Variants in YLPM1 observed in about 807,000 individuals in gnomAD.
The protein encoded by YLPM1 is YLP motif containing 1, also known as YLP motif-containing protein 1.
Under a neutral mutation model 230.0 loss-of-function variants are expected in YLPM1, and 99 were observed. The observed-to-expected ratio is 0.43, with a 90% CI of 0.37 to 0.51. The LOEUF (loss-of-function observed/expected upper bound fraction) is 0.51, where lower values mean the gene tolerates loss of function less well. Among genes scored for constraint, YLPM1 ranks in the 20% least tolerant of loss-of-function variants. YLPM1 has a pLI of 0.00. For synonymous variants in YLPM1, 984 were observed against 942.5 expected, an observed-to-expected ratio of 1.04 and a Z score of -0.81; for missense variants, 2,592 against 2,707.7, an observed-to-expected ratio of 0.96 and a Z score of 0.95.
intron 4 of YLPM1, among the ~76,000 whole-genome samples, chr14:74,791,320 A>G (rs2091204596): frequency 6.6e-6 from 1 of 152,218 alleles, no homozygotes; most frequent in South Asian, 2.1e-4. Context: ...ATTTATATGT[A>G]GTGTTGAAAG....
At chr14:74,821,242 T>C (rs1191191534) in intron 17 of YLPM1, 105 bp downstream of exon 17, 20 of 1,388,818 alleles carry the variant, frequency 1.4e-5, no homozygotes, top group African/African-American at 3.0e-5. Context: ...ATATACACTT[T>C]AGTGGTAAAA....
At chr14:74,774,416 T>C (rs2091011586) in intron 1 of YLPM1, among the ~76,000 whole-genome samples, 1 of 151,472 alleles carries the variant, frequency 6.6e-6, no homozygotes, top group African/African-American at 2.4e-5. Context: ...TTGTATTTTT[T>C]TTGTTTTGAG....
chr14:74,809,390 C>T lies in YLPM1; in HGVS notation c.4532C>T (p.Ser1511Leu), dbSNP rs1294660277. The change falls in exon 7 of 21, where the codon TCG (serine) becomes TTG (leucine). Residue 1511 changes from serine to leucine, a missense_variant. Transcript: ENST00000325680. ...TATTCTGTTCTCTAGCCTCCAGGGT[C>T]GTATAGACCTCCCCCTCCTATGGGC... ...SRPGMYPPPG[S>L]YRPPPPMGKP... 22 of 1,608,144 alleles carry T rather than the reference C, an allele frequency of 1.4e-5. No individual in the cohort carries two copies. The highest frequency in any genetic ancestry group is 1.2e-4 in the South Asian group (11 of 89,892).
Position 74,812,800 on chromosome 14 carries a change from G to C in YLPM1, c.5502+18G>C. The stretch of plus-strand genomic sequence containing the variant: ...CTGAGAGAGTGAGTCCTATGAAGTT[G>C]ATTCGTCTTCGTGCAAACCAGAAGA... On this transcript the variant is annotated intron_variant, in intron 11 of 20. Transcript: ENST00000325680. 6.2e-7 allele frequency: 1 copy of C among 1,606,434 alleles called. No homozygotes were observed. The highest frequency in any genetic ancestry group is 8.5e-7 in the Non-Finnish European group (1 of 1,175,512).
At chr14:74,797,148 ATTTTT>A (rs71303895) in intron 4 of YLPM1, among the ~76,000 whole-genome samples, 3 of 100,798 alleles carry the variant, frequency 3.0e-5, no homozygotes, top group Admixed American at 1.1e-4. Context: ...AAATTTTTGT[ATTTTT>A]TTTTTTTTTT....
At position 74,781,609 on chromosome 14, in the gene YLPM1, A is replaced by G. The variant is rs77921745; in HGVS notation, c.1566A>G (p.Pro522=). 2,406 of 1,613,942 alleles carry G rather than the reference A, an allele frequency of 1.5e-3. 24 individuals carry two copies. The African/African-American group carries it at 0.024, about 16-fold the overall frequency. ...GNMSMPPPFV[P]YSQMPPPLPT... Reference sequence around the variant, plus strand: ...TGTCAATGCCACCTCCTTTTGTTCCATATTCTCAGATGCCTCCACCTCTAC... The same window carrying G: ...TGTCAATGCCACCTCCTTTTGTTCCGTATTCTCAGATGCCTCCACCTCTAC... The change falls in exon 4 of 21, where the codon CCA becomes CCG. Residue 522 remains proline (P), a synonymous_variant. Coordinates refer to ENST00000325680, the MANE Select transcript of YLPM1 (RefSeq NM_019589.3).
intron 6 of YLPM1, among the ~76,000 whole-genome samples, chr14:74,803,494 C>T (rs1234506216): frequency 6.6e-6 from 1 of 152,216 alleles, no homozygotes; most frequent in African/African-American, 2.4e-5. Flanking sequence ...TGGTCTAATA[C>T]TTAACAGTAA....
intron 4 of YLPM1, among the ~76,000 whole-genome samples, chr14:74,783,164 A>G (rs575754065): frequency 3.2e-4 from 49 of 152,202 alleles, no homozygotes; most frequent in Admixed American, 2.9e-3. Flanking sequence ...TCCTGGGTTC[A>G]AGCAGTCCTC....
At chr14:74,784,872 C>G (rs958710622) in intron 4 of YLPM1, among the ~76,000 whole-genome samples, 2 of 152,204 alleles carry the variant, frequency 1.3e-5, no homozygotes, top group African/African-American at 4.8e-5. Flanking sequence ...CTAACCTCAT[C>G]CTGCTGTACT....
rs756687847 is a variant in YLPM1, at chr14:74,764,152, C to G, written c.663C>G (p.Ser221=). 6 of 1,613,560 alleles carry G rather than the reference C, an allele frequency of 3.7e-6. No individual in the cohort carries two copies. Among genetic ancestry groups the G allele is most frequent in the South Asian group, 1.1e-5 (1 of 91,064 alleles). ...SSSSQSYLSH[S]QSYLPSSQAS... ...CCTCGCAATCCTATTTGAGCCATTC[C>G]CAGTCCTACTTGCCCTCTTCTCAGG... Residue 221 remains serine, a synonymous_variant, in exon 1 of 21, where the codon TCC becomes TCG. Coordinates refer to ENST00000325680, the MANE Select transcript of YLPM1 (RefSeq NM_019589.3).
intron 15 of YLPM1, among the ~76,000 whole-genome samples, chr14:74,817,718 A>T (rs1186538681): frequency 6.6e-6 from 1 of 151,950 alleles, no homozygotes; most frequent in Non-Finnish European, 1.5e-5. Context: ...TGCTTTAGTA[A>T]ATGTTTCTCT....
At chr14:74,834,430 A>G (rs910908770) in intron 19 of YLPM1, among the ~76,000 whole-genome samples, 2 of 152,190 alleles carry the variant, frequency 1.3e-5, no homozygotes, top group Non-Finnish European at 2.9e-5. Flanking sequence ...AGAGATAAAT[A>G]AAATTCAGTT....
intron 4 of YLPM1, among the ~76,000 whole-genome samples, chr14:74,792,351 G>A (rs1218577836): frequency 6.6e-6 from 1 of 152,132 alleles, no homozygotes; most frequent in Non-Finnish European, 1.5e-5. Context: ...AGGAAATCAA[G>A]TTTACCTATC....
chr14:74,766,946 C>T lies in YLPM1; in HGVS notation c.873+2584C>T, dbSNP rs371423199. Among the ~76,000 whole-genome samples the T allele has an allele frequency of 7.5e-5, 11 of 147,558 alleles. No individual in the cohort carries two copies. In the East Asian group the frequency reaches 1.6e-3, roughly 22 times the overall value. ...TTGCCCAGGCTGGAGTGCAGTGGCG[C>T]GATCTTGGCTCATTGCAACCTCTGC... On this transcript the variant is annotated intron_variant, in intron 1 of 20. Transcript: ENST00000325680.
intron 3 of YLPM1, among the ~76,000 whole-genome samples, chr14:74,780,963 G>A (rs1474185284): frequency 1.3e-5 from 2 of 152,194 alleles, no homozygotes; most frequent in East Asian, 3.8e-4. Context: ...AAAAGATAAA[G>A]TGACTTAGAT....
chr14:74,829,584 G>A (rs1444505221), intron 19 of YLPM1, among the ~76,000 whole-genome samples: 1 of 152,202 alleles, frequency 6.6e-6, no homozygotes, highest in Non-Finnish European at 1.5e-5. Flanking sequence ...TAAAGGCATT[G>A]GGAGTGGCCA....
intron 1 of YLPM1, among the ~76,000 whole-genome samples, chr14:74,767,625 A>G (rs1304431648): frequency 2.6e-5 from 4 of 152,198 alleles, no homozygotes; most frequent in South Asian, 4.1e-4. Context: ...CACATTGCCA[A>G]GTATCCCCTG....
intron 18 of YLPM1, chr14:74,827,548 A>G: frequency 1.0e-6 from 1 of 985,448 alleles, no homozygotes; most frequent in Non-Finnish European, 1.2e-6. Context: ...CCAGTGTATG[A>G]GGAAAAGTTC....
rs2091417835 is a variant in YLPM1, at chr14:74,809,925, A to T, written c.4955A>T (p.Lys1652Ile). 1 of 1,608,586 alleles carries T rather than the reference A, an allele frequency of 6.2e-7. No homozygotes were observed. Among genetic ancestry groups the T allele is most frequent in the African/African-American group, 1.3e-5 (1 of 74,826 alleles). The change falls in exon 8 of 21, where the codon AAA (lysine) becomes ATA (isoleucine). Residue 1652 changes from lysine (K) to isoleucine (I), a missense_variant. Lys to Ile is a moderately radical substitution (Grantham distance 102). Around this residue, in one of 4 missense-constraint regions of YLPM1, gnomAD observed 403 missense variants for 426.7 expected, o/e 0.94. Coordinates refer to ENST00000325680, the MANE Select transcript of YLPM1 (RefSeq NM_019589.3). ...TGTTTACCAGATATATCCACTAATA[A>T]AGTTGAACAGATACCTTATGGAGAA... Reference protein sequence around the residue: ...YGHGRDISTNKVEQIPYGERI... With the variant: ...YGHGRDISTNIVEQIPYGERI...
Sources: gnomAD v4.1 joint callset for allele counts (sites outside exome capture counted in the v4.1 genomes callset) on GRCh38, gnomAD v4.1.1 for gene constraint, gnomAD v4.1.1 regional missense constraint, MANE v1.5 for transcripts, NCBI Gene and HGNC (gene_info 2026-07-23, HGNC 2026-07-21) for gene names.